The following ZNF578 variants were observed in gnomAD, a reference collection of about 807,000 sequenced individuals.
The protein encoded by ZNF578 is zinc finger protein 578.
In ZNF578, 8 loss-of-function variants were observed where a neutral mutation model predicts 8.3. The observed-to-expected ratio is 0.96, with a 90% CI of 0.56 to 1.74. The LOEUF (loss-of-function observed/expected upper bound fraction) is 1.74, where lower values mean the gene tolerates loss of function less well. Among genes scored for constraint, ZNF578 ranks in the 40% most tolerant of loss-of-function variants. The pLI is 0.00. For missense variants in ZNF578, 726 were observed against 707.5 expected (o/e 1.03, Z -0.30); for synonymous variants, 206 against 232.2 (o/e 0.89, Z 1.03).
At chr19:52,510,529 A>T (rs370221990) in intron 5 of ZNF578, 43 bp from the exon 6 acceptor site, 2 of 1,490,892 alleles carry the variant, frequency 1.3e-6, no homozygotes, top group African/African-American at 2.8e-5. Flanking sequence ...ATGATTTACC[A>T]TCTGCACTTA....
intron 2 of ZNF578, among the ~76,000 whole-genome samples, chr19:52,459,640 C>G (rs958257827): frequency 1.0e-4 from 14 of 135,080 alleles, no homozygotes; most frequent in African/African-American, 3.9e-4. Context: ...CACACACACA[C>G]ACACACACAC....
At chr19:52,497,663 T>TC (rs1334012719) in intron 3 of ZNF578, among the ~76,000 whole-genome samples, 2 of 152,258 alleles carry the variant, frequency 1.3e-5, no homozygotes, top group East Asian at 3.8e-4. Context: ...TGCTTTCTAG[T>TC]CTTTATCATA....
chr19:52,464,096 CG>C (rs1229611016), intron 2 of ZNF578, among the ~76,000 whole-genome samples: 2 of 152,086 alleles, frequency 1.3e-5, no homozygotes, highest in Admixed American at 6.5e-5. Flanking sequence ...CCAGCCTGTC[CG>C]GTTAAAATTG....
chr19:52,508,354 G>GA (rs886758961), intron 5 of ZNF578, among the ~76,000 whole-genome samples: 4 of 149,984 alleles, frequency 2.7e-5, no homozygotes, highest in African/African-American at 9.7e-5. Context: ...AAAAGAAATA[G>GA]AGAGAGAGAG....
intron 2 of ZNF578, among the ~76,000 whole-genome samples, chr19:52,476,121 A>C (rs1347781451): frequency 6.6e-6 from 1 of 151,768 alleles, no homozygotes; most frequent in Non-Finnish European, 1.5e-5. Flanking sequence ...AAAAAAAAAC[A>C]ATCCTTAAGA....
chr19:52,500,543 C>T (rs908614043), intron 3 of ZNF578, among the ~76,000 whole-genome samples: 2 of 151,570 alleles, frequency 1.3e-5, no homozygotes, highest in African/African-American at 4.8e-5. Flanking sequence ...AGTAGATGCC[C>T]AGATCATTTT....
chr19:52,467,202 G>T (rs12985697), intron 2 of ZNF578, among the ~76,000 whole-genome samples: 41,070 of 151,972 alleles, frequency 0.27, 7,231 homozygotes, highest in Non-Finnish European at 0.4. Flanking sequence ...GTTGAGACGG[G>T]GTTTTGCCAT....
chr19:52,511,244 A>T lies in ZNF578; in HGVS notation c.863A>T (p.Lys288Met). Residue 288 changes from lysine (K) to methionine (M), a missense_variant, in exon 6 of 6, where the codon AAG (lysine) becomes ATG (methionine). Physicochemically the swap from Lys to Met is moderately conservative, Grantham distance 95. Transcript: ENST00000421239. ...RRCHTSEKPY[K>M]CNECGKSFSY... ...TGTCACACTAGTGAGAAACCTTACAAGTGTAATGAATGTGGAAAGTCCTTC... is the reference window on the plus strand; with the variant it reads ...TGTCACACTAGTGAGAAACCTTACATGTGTAATGAATGTGGAAAGTCCTTC... 1 of 1,614,176 alleles carries T rather than the reference A, an allele frequency of 6.2e-7. No homozygotes were observed.
intron 3 of ZNF578, among the ~76,000 whole-genome samples, chr19:52,501,078 C>A (rs1393788214): frequency 1.3e-5 from 2 of 151,868 alleles, no homozygotes; most frequent in African/African-American, 2.4e-5. Flanking sequence ...AGCATTTCGC[C>A]ATGTTGGCCA....
At chr19:52,478,399 A>G (rs2059314714) in intron 2 of ZNF578, among the ~76,000 whole-genome samples, 1 of 152,216 alleles carries the variant, frequency 6.6e-6, no homozygotes, top group Non-Finnish European at 1.5e-5. Context: ...CTCTCCAGCT[A>G]TGGCAGCAGA....
chr19:52,515,879 GACATCACAGCAAA>G lies in ZNF578; in HGVS notation c.*3727_*3739del, dbSNP rs2059472926. The stretch of plus-strand genomic sequence containing the variant: ...TCTTCAAGGCCTTTCTCTGTATGAG[GACATCACAGCAAA>G]ATCTAAAGCAGGTCACGTCAATCCC... On this transcript the variant is annotated 3_prime_UTR_variant, in exon 6 of 6. Coordinates refer to ENST00000421239, the MANE Select transcript of ZNF578 (RefSeq NM_001099694.2). Among the ~76,000 whole-genome samples the G allele has an allele frequency of 6.6e-6, 1 of 152,092 alleles. No homozygotes were observed. Among genetic ancestry groups the G allele is most frequent in the Non-Finnish European group, 1.5e-5 (1 of 68,018 alleles).
chr19:52,492,369 T>C (rs974887984), intron 3 of ZNF578, among the ~76,000 whole-genome samples: 15 of 151,736 alleles, frequency 9.9e-5, no homozygotes, highest in South Asian at 2.1e-4. Flanking sequence ...TGACCTCACT[T>C]CTCCCTTTCC....
chr19:52,470,106 T>C (rs1802888387), intron 2 of ZNF578, among the ~76,000 whole-genome samples: 1 of 152,162 alleles, frequency 6.6e-6, no homozygotes. Flanking sequence ...CTACCCCTCA[T>C]GGTGGCAACA....
Position 52,512,810 on chromosome 19 carries a change from G to A in ZNF578, c.*656G>A, listed in dbSNP as rs983416674. Among the ~76,000 whole-genome samples the A allele has an allele frequency of 2.0e-5, 3 of 152,200 alleles. No homozygotes were observed. Among genetic ancestry groups the A allele is most frequent in the Admixed American group, 2.0e-4 (3 of 15,276 alleles). ...CCATCAAGCATTAATTGACATTGGA[G>A]TCAATTCAGCATTGACTTGAGTTTG... On this transcript the variant is annotated 3_prime_UTR_variant, in exon 6 of 6. Transcript: ENST00000421239.
At chr19:52,470,028 C>A (rs1013840293) in intron 2 of ZNF578, among the ~76,000 whole-genome samples, 2 of 152,110 alleles carry the variant, frequency 1.3e-5, no homozygotes, top group African/African-American at 4.8e-5. Flanking sequence ...TGGGAGGATC[C>A]TGATGAAGCT....
At chr19:52,463,287 T>G (rs2059264489) in intron 2 of ZNF578, among the ~76,000 whole-genome samples, 1 of 152,232 alleles carries the variant, frequency 6.6e-6, no homozygotes, top group Non-Finnish European at 1.5e-5. Context: ...CTCACCAGTT[T>G]GGCAAGTAGC....
intron 5 of ZNF578, among the ~76,000 whole-genome samples, chr19:52,508,342 A>C (rs2059432401): frequency 7.0e-6 from 1 of 143,786 alleles, no homozygotes; most frequent in African/African-American, 2.5e-5. Flanking sequence ...AGACTCCATC[A>C]CAAAAGAAAT....
chr19:52,503,300 C>T (rs1195627871), intron 4 of ZNF578, among the ~76,000 whole-genome samples: 1 of 152,188 alleles, frequency 6.6e-6, no homozygotes, highest in Non-Finnish European at 1.5e-5. Context: ...CCCCTCTTGG[C>T]CTCCCAAATT....
chr19:52,469,157 G>GTT (rs1325423361), intron 2 of ZNF578, among the ~76,000 whole-genome samples: 4 of 32,944 alleles, frequency 1.2e-4, no homozygotes, highest in East Asian at 3.8e-4. Context: ...ACCTGGAGTG[G>GTT]TTTTTTTTTG....
Sources: allele counts gnomAD v4.1 joint callset (sites outside exome capture counted in the v4.1 genomes callset), GRCh38; gene constraint gnomAD v4.1.1; transcripts MANE v1.5; gene names NCBI Gene and HGNC (gene_info 2026-07-23, HGNC 2026-07-21).